Variants in SYTL2 observed in about 807,000 individuals in gnomAD.
SYTL2 encodes synaptotagmin-like protein 2.
Under a neutral mutation model 198.7 loss-of-function variants are expected in SYTL2, and 165 were observed. The ratio of observed to expected loss-of-function variants is 0.83; its 90% CI spans 0.73 to 0.94. The LOEUF is 0.94. SYTL2 is among the 40% of genes least tolerant of loss of function. SYTL2 has a pLI of 0.00. For synonymous variants in SYTL2, 966 were observed against 917.7 expected, an observed-to-expected ratio of 1.05 and a Z score of -0.95; for missense variants, 2,835 against 2,582.8, an observed-to-expected ratio of 1.10 and a Z score of -2.12.
Position 85,726,941 on chromosome 11 carries a change from G to T in SYTL2, c.2417C>A (p.Ala806Asp). 1 of 1,536,526 alleles carries T rather than the reference G, an allele frequency of 6.5e-7. No homozygotes were observed. The highest frequency in any genetic ancestry group is 8.7e-7 in the Non-Finnish European group (1 of 1,146,976). ...TGTGGGTTTTTCATGAGTTATCTTA[G>T]CACCAGCTTTCTCTCCTTCCCAAAA... ...ISFWEGEKAG[A>D]KITHEKPTSS... The change falls in exon 8 of 20, where the codon GCT becomes GAT. Residue 806 changes from alanine to aspartate, a missense_variant. By Grantham distance (126) the Ala-to-Asp change is moderately radical. Transcript: ENST00000359152.
At chr11:85,853,440 G>C in the SYTL2 span, 1 of 389,842 alleles carries the variant, frequency 2.6e-6, no homozygotes, top group African/African-American at 2.2e-5. Flanking sequence ...GATGGGCTTT[G>C]TTAAACAGAT....
In SYTL2 at chr11:85,725,085, T is replaced by C; in HGVS notation, c.4273A>G (p.Thr1425Ala). The C allele has an allele frequency of 6.2e-7, 1 of 1,614,088 alleles. No individual in the cohort carries two copies. Among genetic ancestry groups the C allele is most frequent in the South Asian group, 1.1e-5 (1 of 91,072 alleles). Reference sequence around the variant, plus strand: ...AAATCCTTCCTGTCTGGAACTATGGTGTCCATCGTAGCCCATGGTGATATC... The same window carrying C: ...AAATCCTTCCTGTCTGGAACTATGGCGTCCATCGTAGCCCATGGTGATATC... ...GVISPWATMD[T>A]IVPDRKDFYS... The change falls in exon 8 of 20, where the codon ACC (threonine) becomes GCC (alanine). Residue 1425 changes from threonine (T) to alanine (A), a missense_variant. By Grantham distance (58) the Thr-to-Ala change is moderately conservative (BLOSUM62 0). Transcript: ENST00000359152.
rs2088860335 is a variant in SYTL2 at position 85,724,617 on chromosome 11, AAGG to A, written c.4738_4740del (p.Pro1580del). 2 of 1,613,280 alleles carry A rather than the reference AAGG, an allele frequency of 1.2e-6. No individual in the cohort carries two copies. The highest frequency in any genetic ancestry group is 2.7e-5 in the African/African-American group (2 of 74,796). Reference sequence around the variant, plus strand: ...TCTCTCACTGACACCTGGGGCTGATAAGGAGGAGCTTCAGTTATTTCTTTAAGA... The same window carrying A: ...TCTCTCACTGACACCTGGGGCTGATAAGGAGCTTCAGTTATTTCTTTAAGA... On this transcript the variant is annotated inframe_deletion, in exon 8 of 20. Transcript: ENST00000359152.
At chr11:85,809,697 G>A (rs980378785) in intron 1 of SYTL2, among the ~76,000 whole-genome samples, 2 of 152,128 alleles carry the variant, frequency 1.3e-5, no homozygotes, top group Non-Finnish European at 2.9e-5. Context: ...GAGAATTAAG[G>A]ATATATTACA....
At chr11:85,813,041 C>T (rs2093055780), upstream of SYTL2, among the ~76,000 whole-genome samples, 1 of 152,092 alleles carries the variant, frequency 6.6e-6, no homozygotes. Flanking sequence ...TAAATACATG[C>T]TGTTCCCAGT....
At chr11:85,852,663 C>T in the SYTL2 span, 46 of 187,900 alleles carry the variant, frequency 2.4e-4, no homozygotes, top group Non-Finnish European at 4.1e-4. Flanking sequence ...GACGGAGTCT[C>T]GTTCACTCAG....
At chr11:85,830,354 A>G in the SYTL2 span, among the ~76,000 whole-genome samples, 1 of 152,206 alleles carries the variant, frequency 6.6e-6, no homozygotes, top group South Asian at 2.1e-4. Flanking sequence ...TGAGAAAAAA[A>G]TGGTGAAGGA....
intron 18 of SYTL2, among the ~76,000 whole-genome samples, chr11:85,696,715 A>T (rs567687308): frequency 6.6e-6 from 1 of 152,294 alleles, no homozygotes; most frequent in Admixed American, 6.5e-5. Context: ...ATAAGGCTAA[A>T]ATTAGAATTA....
chr11:85,697,480 C>T (rs1331804988), intron 18 of SYTL2, among the ~76,000 whole-genome samples: 1 of 152,152 alleles, frequency 6.6e-6, no homozygotes, highest in Non-Finnish European at 1.5e-5. Context: ...ATATGTATAA[C>T]AGAGAGAAGA....
chr11:85,853,374 C>T, the SYTL2 span: 3 of 441,144 alleles, frequency 6.8e-6, no homozygotes, highest in South Asian at 4.7e-5. Flanking sequence ...CAACCCGGTG[C>T]TCTCTGAAAC....
intron 7 of SYTL2, among the ~76,000 whole-genome samples, chr11:85,730,772 G>C (rs1385373960): frequency 1.3e-5 from 2 of 152,018 alleles, no homozygotes; most frequent in Non-Finnish European, 2.9e-5. Flanking sequence ...AAAAAAAAAT[G>C]GTATTCAAAT....
At chr11:85,728,085 GT>G in intron 7 of SYTL2, 118 bp from the exon 8 acceptor site, 1 of 826,794 alleles carries the variant, frequency 1.2e-6, no homozygotes, top group Non-Finnish European at 1.8e-6. Flanking sequence ...ACCAATAGCT[GT>G]TTATACCAGC....
chr11:85,843,144 C>A, the SYTL2 span, among the ~76,000 whole-genome samples: 2 of 152,060 alleles, frequency 1.3e-5, no homozygotes. Context: ...GAGGCCGAGG[C>A]GGGCAGATCA....
At chr11:85,837,545 C>T in the SYTL2 span, among the ~76,000 whole-genome samples, 3 of 152,074 alleles carry the variant, frequency 2.0e-5, no homozygotes, top group African/African-American at 7.2e-5. Context: ...ATATACTTCC[C>T]CCTATTTTTC....
At chr11:85,770,272 C>A (rs763720459) in intron 1 of SYTL2, among the ~76,000 whole-genome samples, 9 of 152,150 alleles carry the variant, frequency 5.9e-5, no homozygotes, top group Non-Finnish European at 1.0e-4. Flanking sequence ...TCCTAAAAAC[C>A]AATCATTGCC....
chr11:85,763,597 G>C (rs1270636256), intron 1 of SYTL2, among the ~76,000 whole-genome samples: 1 of 151,908 alleles, frequency 6.6e-6, no homozygotes. Flanking sequence ...TGTACCAAAG[G>C]CAAGGAGTGT....
At chr11:85,746,120 G>A (rs894734505) in intron 3 of SYTL2, among the ~76,000 whole-genome samples, 3 of 152,208 alleles carry the variant, frequency 2.0e-5, no homozygotes, top group African/African-American at 7.2e-5. Flanking sequence ...GCTCAGGGCA[G>A]GAAGTCCTCA....
At chr11:85,787,256 T>G (rs534959563) in intron 1 of SYTL2, among the ~76,000 whole-genome samples, 1 of 152,300 alleles carries the variant, frequency 6.6e-6, no homozygotes, top group East Asian at 1.9e-4. Flanking sequence ...TCTGCAAGGC[T>G]GCTATGTGAA....
chr11:85,798,018 A>T (rs77766134), intron 1 of SYTL2, among the ~76,000 whole-genome samples: 4 of 145,568 alleles, frequency 2.7e-5, no homozygotes, highest in Non-Finnish European at 6.0e-5. Context: ...TATGCCAGCT[A>T]TTTTTTTTTT....
Sources: allele counts gnomAD v4.1 joint callset (sites outside exome capture counted in the v4.1 genomes callset), GRCh38; gene constraint gnomAD v4.1.1; transcripts MANE v1.5; gene names NCBI Gene and HGNC (gene_info 2026-07-23, HGNC 2026-07-21).